The following JRK variants were observed in gnomAD, a reference collection of about 807,000 sequenced individuals.
JRK encodes the protein jerky protein homolog.
For synonymous variants in JRK, 303 were observed against 218.1 expected, an observed-to-expected ratio of 1.39 and a Z score of -3.43; for missense variants, 720 against 509.2, an observed-to-expected ratio of 1.41 and a Z score of -3.98.
In JRK at chr8:142,664,946, G is replaced by T; in HGVS notation, c.1113C>A (p.Asn371Lys). 1 of 814,966 alleles carries T rather than the reference G, an allele frequency of 1.2e-6. No individual in the cohort carries two copies. 50.5% of individuals were successfully genotyped at this position (814,966 alleles called of 1,614,324 possible). The change falls in exon 2 of 2, where the codon AAC (asparagine) becomes AAA (lysine). Residue 371 changes from asparagine to lysine, a missense_variant. Transcript: ENST00000612905. ...DAIFSVACAW[N>K]AVPSHVFRRA... The stretch of plus-strand genomic sequence containing the variant: ...GCCTGAAGACGTGGCTAGGGACTGC[G>T]TTCCAGGCACAGGCCACGCTGAATA...
chr8:142,666,499 T>G lies in JRK; in HGVS notation c.-441A>C. ...CCTCTCCAGGGTCCACAATGGTATC[T>G]CCAGGCACAGCACTTCAGGGGCTGG... On this transcript the variant is annotated 5_prime_UTR_variant, in exon 2 of 2. Coordinates refer to ENST00000612905, the MANE Select transcript of JRK (RefSeq NM_003724.4). The G allele has an allele frequency of 3.5e-6, 1 of 285,966 alleles. No homozygotes were observed. Among genetic ancestry groups the G allele is most frequent in the Non-Finnish European group, 7.2e-6 (1 of 138,690 alleles). 17.7% of individuals were successfully genotyped at this position (285,966 alleles called of 1,614,324 possible). A position where few individuals can be genotyped will look rare whatever the true frequency, so the allele number is the denominator to read the frequency against.
chr8:142,669,670 G>C (rs1288208177), intron 1 of JRK, among the ~76,000 whole-genome samples: 1 of 151,760 alleles, frequency 6.6e-6, no homozygotes, highest in African/African-American at 2.4e-5. Flanking sequence ...GTGCGGCTCG[G>C]GGGCCGCGCG....
chr8:142,666,928 G>A (rs1390134316), intron 1 of JRK, among the ~76,000 whole-genome samples: 2 of 151,796 alleles, frequency 1.3e-5, no homozygotes, highest in Non-Finnish European at 3.0e-5. Flanking sequence ...GTAACTGCTC[G>A]CTGGGCTACC....
In JRK at chr8:142,659,371, A is replaced by C; in HGVS notation, c.*4981T>G. On this transcript the variant is annotated 3_prime_UTR_variant, in exon 2 of 2. Transcript: ENST00000612905. The stretch of plus-strand genomic sequence containing the variant: ...TGGACCTCAGTTCCTTTGGCTACTA[A>C]GGAGGCCCAACGATCCTCGCCTGTG... 2.0e-6 allele frequency: 2 copies of C among 990,624 alleles called. No individual in the cohort carries two copies. Among genetic ancestry groups the C allele is most frequent in the South Asian group, 4.6e-5 (1 of 21,724 alleles). The allele number at this position is 990,624 out of a possible 1,614,324, so 61.4% of individuals were successfully genotyped here. A position where few individuals can be genotyped will look rare whatever the true frequency, so the allele number is the denominator to read the frequency against.
chr8:142,667,554 G>C (rs1400002024), intron 1 of JRK, among the ~76,000 whole-genome samples: 1 of 152,130 alleles, frequency 6.6e-6, no homozygotes, highest in Non-Finnish European at 1.5e-5. Flanking sequence ...TTTAGCATTT[G>C]CTAATTTGGG....
Position 142,661,976 on chromosome 8 carries a change from A to G in JRK, c.*2376T>C. On this transcript the variant is annotated 3_prime_UTR_variant, in exon 2 of 2. Coordinates refer to ENST00000612905, the MANE Select transcript of JRK (RefSeq NM_003724.4). Reference sequence around the variant, plus strand: ...GAGATGAGTACGCTCTGGGCTCCCTAAAAACCTCACTCCAGCAGCGAGCCC... The same window carrying G: ...GAGATGAGTACGCTCTGGGCTCCCTGAAAACCTCACTCCAGCAGCGAGCCC... The G allele has an allele frequency of 2.0e-6, 2 of 985,472 alleles. No individual in the cohort carries two copies. Among genetic ancestry groups the G allele is most frequent in the Non-Finnish European group, 2.4e-6 (2 of 829,998 alleles). The allele number at this position is 985,472 out of a possible 1,614,324, so 61.0% of individuals were successfully genotyped here.
intron 1 of JRK, among the ~76,000 whole-genome samples, chr8:142,669,142 A>C (rs1387181065): frequency 6.7e-6 from 1 of 149,886 alleles, no homozygotes; most frequent in Non-Finnish European, 1.5e-5. Flanking sequence ...GGAAAGCGGG[A>C]AACAACCTTC....
Position 142,665,906 on chromosome 8 carries a change from G to C in JRK, c.153C>G (p.Thr51=), listed in dbSNP as rs887931795. 1 of 792,462 alleles carries C rather than the reference G, an allele frequency of 1.3e-6. No individual in the cohort carries two copies. The highest frequency in any genetic ancestry group is 2.3e-6 in the Non-Finnish European group (1 of 429,182). 49.1% of individuals were successfully genotyped at this position (792,462 alleles called of 1,614,324 possible). Residue 51 remains threonine, a synonymous_variant, in exon 2 of 2, where the codon ACC becomes ACG. Coordinates refer to ENST00000612905, the MANE Select transcript of JRK (RefSeq NM_003724.4). ...LMQEYNVGMS[T]LYDIRAHKAQ... ...CCTTGTGGGCCCTGATGTCGTAGAG[G>C]GTGGACATGCCCACATTGTACTCCT...
At chr8:142,645,224 C>T in the JRK span, among the ~76,000 whole-genome samples, 1 of 151,986 alleles carries the variant, frequency 6.6e-6, no homozygotes, top group East Asian at 1.9e-4. Context: ...AGTCAAAGCC[C>T]TGAAACTCAA....
chr8:142,665,137 C>T lies in JRK; in HGVS notation c.922G>A (p.Ala308Thr), dbSNP rs1554635535. The T allele has an allele frequency of 1.4e-6, 1 of 717,860 alleles. No individual in the cohort carries two copies. The highest frequency in any genetic ancestry group is 2.7e-5 in the East Asian group (1 of 37,288). 44.5% of individuals were successfully genotyped at this position (717,860 alleles called of 1,614,324 possible). A position where few individuals can be genotyped will look rare whatever the true frequency, so the allele number is the denominator to read the frequency against. Residue 308 changes from alanine to threonine, a missense_variant, in exon 2 of 2, where the codon GCC becomes ACC. Coordinates refer to ENST00000612905, the MANE Select transcript of JRK (RefSeq NM_003724.4). ...LDSSRAHPQE[A>T]ELVSSNVFTI... Reference sequence around the variant, plus strand: ...AAAACGTTACTGGACACCAGCTCGGCCTCCTGCGGGTGAGCCCGGGAGCTG... The same window carrying T: ...AAAACGTTACTGGACACCAGCTCGGTCTCCTGCGGGTGAGCCCGGGAGCTG...
At position 142,663,829 on chromosome 8, in the gene JRK, G is replaced by A. The variant is rs782351149; in HGVS notation, c.*523C>T. On this transcript the variant is annotated 3_prime_UTR_variant, in exon 2 of 2. Coordinates refer to ENST00000612905, the MANE Select transcript of JRK (RefSeq NM_003724.4). The stretch of plus-strand genomic sequence containing the variant: ...GGCCAAGAACTGAGTCCCAGCTCTC[G>A]GGCCATCGGACCTCAGGCAACCGTG... The A allele has an allele frequency of 8.1e-6, 8 of 986,580 alleles. No homozygotes were observed. Among genetic ancestry groups the A allele is most frequent in the Admixed American group, 6.1e-5 (1 of 16,314 alleles). The allele number at this position is 986,580 out of a possible 1,614,324, so 61.1% of individuals were successfully genotyped here. A position where few individuals can be genotyped will look rare whatever the true frequency, so the allele number is the denominator to read the frequency against.
chr8:142,650,029 C>T, the JRK span, among the ~76,000 whole-genome samples: 1,218 of 152,380 alleles, frequency 8.0e-3, 20 homozygotes, highest in African/African-American at 0.028. Flanking sequence ...CACAGGAAAC[C>T]ACCTCTTGCA....
chr8:142,660,760 G>C lies in JRK; in HGVS notation c.*3592C>G, dbSNP rs763628611. The C allele has an allele frequency of 1.0e-6, 1 of 985,438 alleles. No individual in the cohort carries two copies. The highest frequency in any genetic ancestry group is 1.1e-4 in the East Asian group (1 of 8,794). 61.0% of individuals were successfully genotyped at this position (985,438 alleles called of 1,614,324 possible). On this transcript the variant is annotated 3_prime_UTR_variant, in exon 2 of 2. Transcript: ENST00000612905. ...GAGGTCCCTGAGGTGCAGTGTGGAC[G>C]GGTCTTGATTTGTCCCAAGTTGTCG...
At chr8:142,647,668 C>T in the JRK span, among the ~76,000 whole-genome samples, 1 of 152,198 alleles carries the variant, frequency 6.6e-6, no homozygotes, top group African/African-American at 2.4e-5. Flanking sequence ...AAACTTCTTC[C>T]ATTTATAAAT....
rs1231503630 is a variant in JRK, at chr8:142,661,939, C to T, written c.*2413G>A. On this transcript the variant is annotated 3_prime_UTR_variant, in exon 2 of 2. Coordinates refer to ENST00000612905, the MANE Select transcript of JRK (RefSeq NM_003724.4). ...AAGAGGTATGCACCAGGCAGCTGGG[C>T]CCAGCAGCTCAGAGATGAGTACGCT... The T allele has an allele frequency of 1.0e-6, 1 of 985,524 alleles. No homozygotes were observed. Among genetic ancestry groups the T allele is most frequent in the African/African-American group, 1.7e-5 (1 of 57,360 alleles). 61.0% of individuals were successfully genotyped at this position (985,524 alleles called of 1,614,324 possible). A position where few individuals can be genotyped will look rare whatever the true frequency, so the allele number is the denominator to read the frequency against.
rs1320828018 is a variant in JRK at position 142,658,526 on chromosome 8, G to A, written c.*5826C>T. On this transcript the variant is annotated 3_prime_UTR_variant, in exon 2 of 2. Coordinates refer to ENST00000612905, the MANE Select transcript of JRK (RefSeq NM_003724.4). Reference sequence around the variant, plus strand: ...GAGCCACTGCACCCAGCTTGAAGATGGCAGTTTTCTTGTATGCTCACACAG... The same window carrying A: ...GAGCCACTGCACCCAGCTTGAAGATAGCAGTTTTCTTGTATGCTCACACAG... 4.7e-6 allele frequency: 1 copy of A among 214,316 alleles called. No individual in the cohort carries two copies. Among genetic ancestry groups the A allele is most frequent in the African/African-American group, 2.3e-5 (1 of 43,624 alleles). 13.3% of individuals were successfully genotyped at this position (214,316 alleles called of 1,614,324 possible).
intron 1 of JRK, among the ~76,000 whole-genome samples, chr8:142,666,872 G>A (rs782386712): frequency 1.1e-4 from 16 of 152,158 alleles, no homozygotes; most frequent in Non-Finnish European, 1.5e-4. Context: ...GATGCTGGGC[G>A]GACCCAAGAA....
chr8:142,663,685 C>T lies in JRK; in HGVS notation c.*667G>A, dbSNP rs1277690453. On this transcript the variant is annotated 3_prime_UTR_variant, in exon 2 of 2. Transcript: ENST00000612905. ...GTCAACTCTCCGTGGGGCCCCCCAA[C>T]ATCTTGGGGCCAGAGCCCATGGGAC... is the stretch of plus-strand genomic sequence containing the variant. 1.0e-6 allele frequency: 1 copy of T among 985,492 alleles called. No homozygotes were observed. Among genetic ancestry groups the T allele is most frequent in the Non-Finnish European group, 1.2e-6 (1 of 829,950 alleles). The allele number at this position is 985,492 out of a possible 1,614,324, so 61.0% of individuals were successfully genotyped here.
chr8:142,657,915 G>A lies in JRK; in HGVS notation c.*6437C>T, dbSNP rs1846790352. 6.6e-6 allele frequency: 1 copy of A among 152,274 alleles called. No individual in the cohort carries two copies. The highest frequency in any genetic ancestry group is 1.9e-4 in the East Asian group (1 of 5,202). The allele number at this position is 152,274 out of a possible 1,614,324, so 9.4% of individuals were successfully genotyped here. ...CTCAACTAGTATGTGTGCAAGCACT[G>A]AACTGCTATCTTGCGTACACAACTC... is the stretch of plus-strand genomic sequence containing the variant. On this transcript the variant is annotated 3_prime_UTR_variant, in exon 2 of 2. Coordinates refer to ENST00000612905, the MANE Select transcript of JRK (RefSeq NM_003724.4).
Sources: gnomAD v4.1 joint callset for allele counts (sites outside exome capture counted in the v4.1 genomes callset) on GRCh38, gnomAD v4.1.1 for gene constraint, MANE v1.5 for transcripts, NCBI Gene and HGNC (gene_info 2026-07-23, HGNC 2026-07-21) for gene names.